Variants in ADGRV1 observed in about 807,000 individuals in gnomAD.
ADGRV1 encodes the protein adhesion G protein-coupled receptor V1.
In ADGRV1, 359 loss-of-function variants were observed where a neutral mutation model predicts 596.2. That is an observed-to-expected ratio of 0.60 (90% confidence interval 0.55 to 0.66). The LOEUF is 0.66. Among genes scored for constraint, ADGRV1 ranks in the 30% least tolerant of loss-of-function variants. ADGRV1 has a pLI of 0.00. For synonymous variants in ADGRV1, 2,681 were observed against 2,679.2 expected (o/e 1.00, Z -0.02); for missense variants, 7,274 against 7,575.6 (o/e 0.96, Z 1.48).
chr5:90,721,552 AAAAT>A (rs1289390615), intron 45 of ADGRV1, among the ~76,000 whole-genome samples: 2 of 19,908 alleles, frequency 1.0e-4, no homozygotes, highest in South Asian at 1.2e-3. Context: ...AAAATAAAAT[AAAAT>A]AAAATAAAAT....
Position 90,851,102 on chromosome 5 carries a change from G to GGTGTGTGTGTGTGTGTGT in ADGRV1, c.17205-2166_17205-2149dup, listed in dbSNP as rs371933419. Reference sequence around the variant, plus strand: ...ATTGAACATGGAGTAAGCTAGGTAGGGTGTGTGTGTGTGTGTGTGTGTGTG... The same window carrying GGTGTGTGTGTGTGTGTGT: ...ATTGAACATGGAGTAAGCTAGGTAGGGTGTGTGTGTGTGTGTGTGTGTGTGTGTGTGTGTGTGTGTGTG... On this transcript the variant is annotated intron_variant, in intron 79 of 89. Coordinates refer to ENST00000405460, the MANE Select transcript of ADGRV1 (RefSeq NM_032119.4). 2.2e-4 allele frequency among the ~76,000 whole-genome samples: 11 copies of GGTGTGTGTGTGTGTGTGT among 50,636 alleles called. 1 individual carries two copies. The highest frequency in any genetic ancestry group is 4.0e-4 in the African/African-American group (7 of 17,390). 33.2% of individuals were successfully genotyped at this position (50,636 alleles called of 152,430 possible).
chr5:90,654,850 T>C (rs1769173139), intron 20 of ADGRV1: 1 of 152,146 alleles, frequency 6.6e-6, no homozygotes, highest in Non-Finnish European at 1.5e-5. Flanking sequence ...TTTTTGGCTG[T>C]GTGAATACCT....
chr5:90,985,391 G>C lies in ADGRV1; in HGVS notation c.18021G>C (p.Glu6007Asp), dbSNP rs201582930. The change falls in exon 85 of 90, where the codon GAG (glutamate) becomes GAC (aspartate). Residue 6007 changes from glutamate (E) to aspartate (D), a missense_variant. By Grantham distance (45) the Glu-to-Asp change is conservative (BLOSUM62 2). Transcript: ENST00000405460. ...TGGTGATGAATGATGAGCACACAGAGAGGCGATATCTGCTGTTTTTCCTTC... is the reference window on the plus strand; with the variant it reads ...TGGTGATGAATGATGAGCACACAGACAGGCGATATCTGCTGTTTTTCCTTC... ...YVLVMNDEHT[E>D]RRYLLFFLLS... 5.0e-6 allele frequency: 8 copies of C among 1,613,730 alleles called. No homozygotes were observed. In the African/African-American group the frequency reaches 8.0e-5, roughly 16 times the overall value.
chr5:90,604,854 G>A (rs1435074676), intron 1 of ADGRV1, among the ~76,000 whole-genome samples: 2 of 152,136 alleles, frequency 1.3e-5, no homozygotes, highest in Non-Finnish European at 2.9e-5. Context: ...TGGCCTCAAA[G>A]GATTTAGATT....
At chr5:90,649,798 C>T (rs964728702) in intron 17 of ADGRV1, among the ~76,000 whole-genome samples, 2 of 151,918 alleles carry the variant, frequency 1.3e-5, no homozygotes, top group South Asian at 2.1e-4. Context: ...CAGAAATTGA[C>T]GCTTGAAAAA....
chr5:91,058,301 C>G (rs959899708), intron 85 of ADGRV1, among the ~76,000 whole-genome samples: 1 of 152,072 alleles, frequency 6.6e-6, no homozygotes, highest in Non-Finnish European at 1.5e-5. Context: ...GAAGGAAGTG[C>G]TGTTATCTTT....
At chr5:90,850,557 G>A (rs910375205) in intron 79 of ADGRV1, 1 of 152,198 alleles carries the variant, frequency 6.6e-6, no homozygotes, top group Non-Finnish European at 1.5e-5. Context: ...GTGTAGTCAA[G>A]AATACCTGTT....
chr5:90,572,592 A>G (rs542841325), intron 1 of ADGRV1, among the ~76,000 whole-genome samples: 1 of 152,320 alleles, frequency 6.6e-6, no homozygotes, highest in South Asian at 2.1e-4. Flanking sequence ...AAGACTGTCT[A>G]TTCAATAAAT....
chr5:90,985,221 C>T (rs1444668540), intron 84 of ADGRV1, 123 bp from the exon 85 acceptor site: 2 of 546,822 alleles, frequency 3.7e-6, no homozygotes, highest in East Asian at 3.2e-5. Flanking sequence ...TTAAAAAAAT[C>T]AAAACTAATT....
intron 86 of ADGRV1, 102 bp from the exon 87 acceptor site, chr5:91,102,117 A>G: frequency 9.7e-7 from 1 of 1,032,944 alleles, no homozygotes; most frequent in Non-Finnish European, 1.4e-6. Context: ...GTTCTCTCAA[A>G]ATGGGCACTA....
chr5:91,011,561 T>C (rs568233005), intron 85 of ADGRV1, among the ~76,000 whole-genome samples: 2 of 152,008 alleles, frequency 1.3e-5, no homozygotes, highest in Non-Finnish European at 2.9e-5. Context: ...TTGTAGACAC[T>C]CTATATGTAT....
chr5:90,646,255 A>C (rs919283928), intron 16 of ADGRV1, among the ~76,000 whole-genome samples, 164 bp downstream of exon 16: 1 of 152,030 alleles, frequency 6.6e-6, no homozygotes, highest in East Asian at 1.9e-4. Flanking sequence ...ATAAAGCACA[A>C]TTGATGCTTG....
intron 83 of ADGRV1, among the ~76,000 whole-genome samples, chr5:90,953,750 A>G (rs1777238520): frequency 6.6e-6 from 1 of 152,120 alleles, no homozygotes; most frequent in Admixed American, 6.5e-5. Flanking sequence ...TTATAAAACT[A>G]ATATGTGCCA....
At chr5:90,729,864 C>T in intron 50 of ADGRV1, 100 bp downstream of exon 50, 1 of 1,238,780 alleles carries the variant, frequency 8.1e-7, no homozygotes, top group Non-Finnish European at 1.1e-6. Flanking sequence ...TTGCCAGACA[C>T]TGGGTATTTT....
intron 9 of ADGRV1, chr5:90,630,427 A>C (rs1200670852): frequency 1.3e-5 from 2 of 152,160 alleles, no homozygotes; most frequent in African/African-American, 2.4e-5. Flanking sequence ...TATACATTTC[A>C]TTTCTTCTGT....
intron 21 of ADGRV1, among the ~76,000 whole-genome samples, chr5:90,664,925 T>C (rs1771044430): frequency 6.6e-6 from 1 of 152,016 alleles, no homozygotes; most frequent in Non-Finnish European, 1.5e-5. Context: ...TTTATTAATT[T>C]GCGTATATTG....
intron 85 of ADGRV1, among the ~76,000 whole-genome samples, chr5:90,988,247 A>T (rs1264387694): frequency 6.6e-6 from 1 of 152,220 alleles, no homozygotes; most frequent in East Asian, 1.9e-4. Context: ...TGGAATTATA[A>T]ATCATGTACA....
intron 24 of ADGRV1, 35 bp from the exon 25 acceptor site, chr5:90,676,045 A>G: frequency 6.5e-7 from 1 of 1,545,814 alleles, no homozygotes; most frequent in Non-Finnish European, 8.8e-7. Context: ...ATACAGAATG[A>G]TTGTAATCTA....
intron 42 of ADGRV1, among the ~76,000 whole-genome samples, chr5:90,714,507 C>T (rs1412711726): frequency 1.3e-5 from 2 of 151,448 alleles, no homozygotes; most frequent in African/African-American, 2.4e-5. Flanking sequence ...GCTTTTAAAT[C>T]CTACTTTCTT....
Sources: allele counts gnomAD v4.1 joint callset (sites outside exome capture counted in the v4.1 genomes callset), GRCh38; gene constraint gnomAD v4.1.1; transcripts MANE v1.5; gene names NCBI Gene and HGNC (gene_info 2026-07-23, HGNC 2026-07-21).